CNTN1: variants seen among roughly 807,000 people sequenced by gnomAD.
The protein encoded by CNTN1 is contactin 1, also known as contactin-1.
A neutral mutation model predicts 126.4 loss-of-function variants in CNTN1; 38 were observed. The ratio of observed to expected loss-of-function variants is 0.30; its 90% CI spans 0.23 to 0.39. The LOEUF is 0.39. Among genes scored for constraint, CNTN1 ranks in the 10% least tolerant of loss-of-function variants. The pLI, the probability that CNTN1 is intolerant of heterozygous loss-of-function variation, is 1.00. For synonymous variants in CNTN1, 413 were observed against 422.6 expected, an observed-to-expected ratio of 0.98 and a Z score of 0.28; for missense variants, 1,009 against 1,248.4, an observed-to-expected ratio of 0.81 and a Z score of 2.89.
chr12:40,761,063 C>A (rs1938846905), intron 1 of CNTN1, among the ~76,000 whole-genome samples: 1 of 152,070 alleles, frequency 6.6e-6, no homozygotes, highest in African/African-American at 2.4e-5. Context: ...AGAAGATTAT[C>A]ATACATGTAG....
chr12:40,958,377 G>GTGTGTGTGTGTGTGTGTGTA (rs1555188809), intron 14 of CNTN1, among the ~76,000 whole-genome samples: 3 of 124,350 alleles, frequency 2.4e-5, no homozygotes, highest in African/African-American at 8.4e-5. Flanking sequence ...GTGTGTGTGT[G>GTGTGTGTGTGTGTGTGTGTA]TGTATGTATG....
At chr12:40,772,986 G>A (rs1939403603) in intron 1 of CNTN1, among the ~76,000 whole-genome samples, 2 of 151,830 alleles carry the variant, frequency 1.3e-5, no homozygotes, top group South Asian at 2.1e-4. Flanking sequence ...ATATATCGTG[G>A]ATTGGATATA....
At chr12:41,036,860 A>T (rs888390841) in intron 23 of CNTN1, among the ~76,000 whole-genome samples, 5 of 152,204 alleles carry the variant, frequency 3.3e-5, no homozygotes, top group African/African-American at 1.2e-4. Flanking sequence ...CCAAACTGTC[A>T]TCTAAACAGC....
At chr12:41,050,204 T>C (rs1395251833) in intron 23 of CNTN1, among the ~76,000 whole-genome samples, 2 of 152,194 alleles carry the variant, frequency 1.3e-5, no homozygotes, top group African/African-American at 4.8e-5. Context: ...CCAGTCAAGA[T>C]GTCTATAATA....
chr12:40,909,353 T>C (rs1944947217), intron 2 of CNTN1, among the ~76,000 whole-genome samples: 2 of 152,012 alleles, frequency 1.3e-5, no homozygotes, highest in Non-Finnish European at 2.9e-5. Context: ...CTAGGTCATT[T>C]AGTACTTATT....
chr12:41,049,612 C>T (rs1052294789), intron 23 of CNTN1, among the ~76,000 whole-genome samples: 1 of 152,214 alleles, frequency 6.6e-6, no homozygotes, highest in Non-Finnish European at 1.5e-5. Flanking sequence ...TTGTGCTCTT[C>T]GCTTGGTGCT....
chr12:40,778,415 T>C (rs1480147139), intron 1 of CNTN1, among the ~76,000 whole-genome samples: 1 of 151,854 alleles, frequency 6.6e-6, no homozygotes, highest in Non-Finnish European at 1.5e-5. Context: ...ACAGAGACCA[T>C]ATGGTCTGGA....
At position 40,948,246 on chromosome 12, in the gene CNTN1, T is replaced by TTTTC. The variant is rs1479794251; in HGVS notation, c.1683+4088_1683+4091dup. ...ATTCCAGAAGCTTTTGCTAGCTAGTTTTTCTTTCTTTCTTTTTTTTTTTTT... is the reference window on the plus strand; with the variant it reads ...ATTCCAGAAGCTTTTGCTAGCTAGTTTTTCTTTCTTTCTTTCTTTTTTTTTTTTT... On this transcript the variant is annotated intron_variant, in intron 14 of 23. Transcript: ENST00000551295. Among the ~76,000 whole-genome samples, 5 of 145,242 alleles carry TTTTC rather than the reference T, an allele frequency of 3.4e-5. No individual in the cohort carries two copies. In the East Asian group the frequency reaches 7.9e-4, roughly 23 times the overall value.
rs1389062888 is a variant in CNTN1, at chr12:40,971,456, G to A, written c.1805-9453G>A. ...CAGGTAAAAACAGAAAAGGTGGAGAGAAAAACATGGTGGATTCCTTTCTCC... is the reference window on the plus strand; with the variant it reads ...CAGGTAAAAACAGAAAAGGTGGAGAAAAAAACATGGTGGATTCCTTTCTCC... On this transcript the variant is annotated intron_variant, in intron 15 of 23. Transcript: ENST00000551295. 3.1e-6 allele frequency: 5 copies of A among 1,596,344 alleles called. No individual in the cohort carries two copies. In the Admixed American group the frequency reaches 6.7e-5, roughly 21 times the overall value.
Position 40,842,931 on chromosome 12 carries a change from G to A in CNTN1, c.-76-65426G>A, listed in dbSNP as rs144447509. On this transcript the variant is annotated intron_variant, in intron 1 of 23. Transcript: ENST00000551295. ...TGACGAAAATGTGTCTCAAACTAACGTAGGCAAAAGGGGGATTTTATGCAA... is the reference window on the plus strand; with the variant it reads ...TGACGAAAATGTGTCTCAAACTAACATAGGCAAAAGGGGGATTTTATGCAA... Among the ~76,000 whole-genome samples, 922 of 152,094 alleles carry A rather than the reference G, an allele frequency of 6.1e-3. 22 individuals are homozygous for A. Among genetic ancestry groups the A allele is most frequent in the Admixed American group, 0.013 (199 of 15,290 alleles).
intron 1 of CNTN1, among the ~76,000 whole-genome samples, chr12:40,780,207 A>G (rs1939738050): frequency 6.6e-6 from 1 of 151,882 alleles, no homozygotes; most frequent in Non-Finnish European, 1.5e-5. Context: ...AGAAGTTGCT[A>G]CAATTGTACA....
In CNTN1 at chr12:40,702,836, C is replaced by T. The variant is rs373229295; in HGVS notation, c.-77+10244C>T. Among the ~76,000 whole-genome samples the T allele has an allele frequency of 2.0e-5, 3 of 152,188 alleles. No homozygotes were observed. In the East Asian group the frequency reaches 5.8e-4, roughly 29 times the overall value. On this transcript the variant is annotated intron_variant, in intron 1 of 23. Transcript: ENST00000551295. ...TAGTGCCAACACATTCTTTTCAGCA[C>T]TTGCATAGTAACCCTTTGCATAAAA...
At chr12:40,875,659 G>A (rs1413387124) in intron 1 of CNTN1, among the ~76,000 whole-genome samples, 1 of 151,896 alleles carries the variant, frequency 6.6e-6, no homozygotes, top group Non-Finnish European at 1.5e-5. Context: ...AAAATTCTCT[G>A]CAGATTCATC....
chr12:40,756,803 C>T (rs1938628566), intron 1 of CNTN1, among the ~76,000 whole-genome samples: 1 of 152,148 alleles, frequency 6.6e-6, no homozygotes, highest in African/African-American at 2.4e-5. Flanking sequence ...TATATTTTAA[C>T]AGCACTTATA....
intron 19 of CNTN1, among the ~76,000 whole-genome samples, 173 bp from the exon 20 acceptor site, chr12:41,020,164 A>T (rs1948875473): frequency 6.6e-6 from 1 of 152,166 alleles, no homozygotes; most frequent in Admixed American, 6.5e-5. Context: ...AACATTAGAA[A>T]AATACAGGAA....
At chr12:40,763,604 T>C (rs1938952466) in intron 1 of CNTN1, among the ~76,000 whole-genome samples, 1 of 151,918 alleles carries the variant, frequency 6.6e-6, no homozygotes, top group Non-Finnish European at 1.5e-5. Flanking sequence ...AAGGTGAGGC[T>C]AAAGAAAGGA....
chr12:40,712,500 G>A (rs2121170227), intron 1 of CNTN1, among the ~76,000 whole-genome samples: 1 of 152,160 alleles, frequency 6.6e-6, no homozygotes, highest in Non-Finnish European at 1.5e-5. Flanking sequence ...GCCTTGAGAA[G>A]CACATATGCT....
chr12:40,819,621 T>A (rs2136523851), intron 1 of CNTN1, among the ~76,000 whole-genome samples: 1 of 152,178 alleles, frequency 6.6e-6, no homozygotes, highest in South Asian at 2.1e-4. Context: ...GCATTGTAGG[T>A]CCCAGTGCTG....
At chr12:41,068,742 T>C (rs879112840) in intron 23 of CNTN1, among the ~76,000 whole-genome samples, 2 of 152,138 alleles carry the variant, frequency 1.3e-5, no homozygotes, top group Admixed American at 1.3e-4. Context: ...ATTTAGAGAG[T>C]AAACTTCCAA....
Sources: allele counts gnomAD v4.1 joint callset (sites outside exome capture counted in the v4.1 genomes callset), GRCh38; gene constraint gnomAD v4.1.1; transcripts MANE v1.5; gene names NCBI Gene and HGNC (gene_info 2026-07-23, HGNC 2026-07-21).